MON1B: variants seen among roughly 807,000 people sequenced by gnomAD.
The protein encoded by MON1B is MON1 vesicular trafficking associated B.
Under a neutral mutation model 45.1 loss-of-function variants are expected in MON1B, and 26 were observed. The observed-to-expected ratio is 0.58, with a 90% CI of 0.42 to 0.80. MON1B has a LOEUF of 0.80. MON1B is among the 30% of genes least tolerant of loss of function. MON1B has a pLI of 0.00. For synonymous variants in MON1B, 395 were observed against 320.2 expected, an observed-to-expected ratio of 1.23 and a Z score of -2.49; for missense variants, 737 against 754.5, an observed-to-expected ratio of 0.98 and a Z score of 0.27.
rs372996838 is a variant in MON1B, at chr16:77,194,810, G to T, written c.951G>T (p.Ala317=). The T allele has an allele frequency of 2.5e-6, 4 of 1,611,916 alleles. No individual in the cohort carries two copies. Among genetic ancestry groups the T allele is most frequent in the Admixed American group, 3.3e-5 (2 of 60,030 alleles). ...ACTGGGTGGGTGCACCAGCCTTTGC[G>T]GCGGGTGAGGCTTGGGCACCTGTGT... ...LLDWVGAPAF[A]AGEAWAPVCL... Residue 317 remains alanine (A), a synonymous_variant, in exon 4 of 6, where the codon GCG becomes GCT. Coordinates refer to ENST00000248248, the MANE Select transcript of MON1B (RefSeq NM_014940.4). The surrounding 1 kb of genome is among the most constrained non-coding windows in gnomAD (Gnocchi z 8.1).
intron 5 of MON1B, among the ~76,000 whole-genome samples, chr16:77,197,503 G>T (rs774248114): frequency 6.6e-6 from 1 of 152,182 alleles, no homozygotes; most frequent in African/African-American, 2.4e-5. Context: ...GAGTAGGGAG[G>T]TATTGAGCTA....
chr16:77,191,771 A>T, intron 2 of MON1B, 138 bp downstream of exon 2: 1 of 960,954 alleles, frequency 1.0e-6, no homozygotes, highest in Non-Finnish European at 1.5e-6. Context: ...GGTCAGGAGG[A>T]GGTCACTGTG....
Position 77,201,447 on chromosome 16 carries a change from G to A in MON1B, c.*3139G>A, listed in dbSNP as rs909801779. 6 of 152,174 alleles carry A rather than the reference G, an allele frequency of 3.9e-5. No homozygotes were observed. Among genetic ancestry groups the A allele is most frequent in the African/African-American group, 1.4e-4 (6 of 41,442 alleles). The allele number at this position is 152,174 out of a possible 1,614,324, so 9.4% of individuals were successfully genotyped here. A position where few individuals can be genotyped will look rare whatever the true frequency, so the allele number is the denominator to read the frequency against. On this transcript the variant is annotated 3_prime_UTR_variant, in exon 6 of 6. Coordinates refer to ENST00000248248, the MANE Select transcript of MON1B (RefSeq NM_014940.4). ...TAGCCCATCAAATCGGCTTTATAAAGGGAAGCATAGTATCTGGTATTGACG... is the reference window on the plus strand; with the variant it reads ...TAGCCCATCAAATCGGCTTTATAAAAGGAAGCATAGTATCTGGTATTGACG...
chr16:77,196,905 G>A (rs2054670754), intron 5 of MON1B, among the ~76,000 whole-genome samples: 1 of 152,064 alleles, frequency 6.6e-6, no homozygotes, highest in Non-Finnish European at 1.5e-5. Context: ...TTGGTGTTCA[G>A]ATTGCCTCTG....
chr16:77,196,456 A>G (rs915185022), intron 5 of MON1B, among the ~76,000 whole-genome samples: 5 of 152,142 alleles, frequency 3.3e-5, no homozygotes, highest in African/African-American at 9.7e-5. Context: ...TTCTTTCTAC[A>G]TTTATTGGCT....
chr16:77,195,284 T>C, intron 4 of MON1B, 130 bp downstream of exon 4: 1 of 1,060,670 alleles, frequency 9.4e-7, no homozygotes, highest in East Asian at 2.6e-5. Flanking sequence ...AACAAGTCTC[T>C]GTCTGATGAT....
rs748765438 is a variant in MON1B, at chr16:77,199,148, C to G, written c.*840C>G. 2.7e-6 allele frequency: 1 copy of G among 366,138 alleles called. No homozygotes were observed. Among genetic ancestry groups the G allele is most frequent in the Non-Finnish European group, 4.9e-6 (1 of 203,362 alleles). The allele number at this position is 366,138 out of a possible 1,614,324, so 22.7% of individuals were successfully genotyped here. ...CCAGACTTTGACAACCTGCACAAGACAAGCAGCCTAAAGCAGGAGAGACCT... is the reference window on the plus strand; with the variant it reads ...CCAGACTTTGACAACCTGCACAAGAGAAGCAGCCTAAAGCAGGAGAGACCT... On this transcript the variant is annotated 3_prime_UTR_variant, in exon 6 of 6. Coordinates refer to ENST00000248248, the MANE Select transcript of MON1B (RefSeq NM_014940.4).
Position 77,199,821 on chromosome 16 carries a change from T to A in MON1B, c.*1513T>A, listed in dbSNP as rs1041776977. ...GGCGGTGGGGATGTTCTCATAACAA[T>A]CACCGTGCTGCAGCCACCCCTTATT... On this transcript the variant is annotated 3_prime_UTR_variant, in exon 6 of 6. Coordinates refer to ENST00000248248, the MANE Select transcript of MON1B (RefSeq NM_014940.4). The A allele has an allele frequency of 7.7e-6, 2 of 259,438 alleles. No individual in the cohort carries two copies. Among genetic ancestry groups the A allele is most frequent in the African/African-American group, 4.5e-5 (2 of 44,540 alleles). The allele number at this position is 259,438 out of a possible 1,614,324, so 16.1% of individuals were successfully genotyped here. A position where few individuals can be genotyped will look rare whatever the true frequency, so the allele number is the denominator to read the frequency against.
rs1229854135 is a variant in MON1B, at chr16:77,200,274, G to GTATATATATATA, written c.*1973_*1984dup. 1.8e-5 allele frequency: 2 copies of GTATATATATATA among 113,582 alleles called. No individual in the cohort carries two copies. The highest frequency in any genetic ancestry group is 3.5e-5 in the African/African-American group (1 of 28,582). The allele number at this position is 113,582 out of a possible 1,614,324, so 7.0% of individuals were successfully genotyped here. ...TATATGTGTATATATATATATATGTGTATATATATATATATATACACACAC... is the reference window on the plus strand; with the variant it reads ...TATATGTGTATATATATATATATGTGTATATATATATATATATATATATATATATACACACAC... On this transcript the variant is annotated 3_prime_UTR_variant, in exon 6 of 6. Transcript: ENST00000248248.
rs939729932 is a variant in MON1B, at chr16:77,199,578, C to T, written c.*1270C>T. ...AGGGCAGAAAGGAGGGAGGATTCGT[C>T]CCATTACAATAATGAAATAATGATA... On this transcript the variant is annotated 3_prime_UTR_variant, in exon 6 of 6. Coordinates refer to ENST00000248248, the MANE Select transcript of MON1B (RefSeq NM_014940.4). The T allele has an allele frequency of 5.7e-6, 7 of 1,227,430 alleles. No individual in the cohort carries two copies. The highest frequency in any genetic ancestry group is 3.1e-5 in the African/African-American group (2 of 65,430). 76.0% of individuals were successfully genotyped at this position (1,227,430 alleles called of 1,614,324 possible).
Position 77,194,310 on chromosome 16 carries a change from C to T in MON1B, c.476-25C>T. ...GTCATTCCTGATCCAGCTGTACCCC[C>T]CCTTCTTACCCCTTCCTTCCCTAGA... On this transcript the variant is annotated intron_variant, in intron 3 of 5. Coordinates refer to ENST00000248248, the MANE Select transcript of MON1B (RefSeq NM_014940.4). The surrounding 1 kb of genome is among the most constrained non-coding windows in gnomAD (Gnocchi z 8.1). 1 of 1,585,340 alleles carries T rather than the reference C, an allele frequency of 6.3e-7. No homozygotes were observed. The highest frequency in any genetic ancestry group is 8.6e-7 in the Non-Finnish European group (1 of 1,166,536).
intron 5 of MON1B, 122 bp from the exon 6 acceptor site, chr16:77,197,986 G>A (rs2054683411): frequency 1.1e-6 from 1 of 938,476 alleles, no homozygotes; most frequent in Non-Finnish European, 1.7e-6. Context: ...GCACCTGGTA[G>A]GAGGTGCTGC....
At chr16:77,192,234 G>A (rs1383882079) in intron 2 of MON1B, among the ~76,000 whole-genome samples, 5 of 152,216 alleles carry the variant, frequency 3.3e-5, no homozygotes, top group Non-Finnish European at 7.3e-5. Context: ...CATTGGGAAG[G>A]ATCAGTGGAC....
chr16:77,191,320 A>AT, intron 1 of MON1B, 62 bp downstream of exon 1: 3 of 1,535,838 alleles, frequency 2.0e-6, no homozygotes, highest in Non-Finnish European at 2.7e-6. Flanking sequence ...AAAGTGTTGG[A>AT]GGGGGGACGT....
chr16:77,195,847 G>T (rs1021133600), intron 5 of MON1B, among the ~76,000 whole-genome samples, 165 bp downstream of exon 5: 1 of 152,140 alleles, frequency 6.6e-6, no homozygotes, highest in Non-Finnish European at 1.5e-5. Context: ...CATCTTTGAA[G>T]CCCCTGACAA....
Position 77,194,785 on chromosome 16 carries a change from A to C in MON1B, c.926A>C (p.Asp309Ala). ...LDPADLQLLL[D>A]WVGAPAFAAG... ...CCAGCTGACCTGCAGTTGCTGCTCG[A>C]CTGGGTGGGTGCACCAGCCTTTGCG... The change falls in exon 4 of 6, where the codon GAC becomes GCC. Residue 309 changes from aspartate to alanine, a missense_variant. By Grantham distance (126) the Asp-to-Ala change is moderately radical. Transcript: ENST00000248248. The surrounding 1 kb of genome is among the most constrained non-coding windows in gnomAD (Gnocchi z 8.1). 1.2e-6 allele frequency: 2 copies of C among 1,613,834 alleles called. No individual in the cohort carries two copies. Among genetic ancestry groups the C allele is most frequent in the East Asian group, 4.5e-5 (2 of 44,872 alleles).
At chr16:77,196,624 A>C (rs1484718074) in intron 5 of MON1B, among the ~76,000 whole-genome samples, 1 of 152,120 alleles carries the variant, frequency 6.6e-6, no homozygotes, top group Non-Finnish European at 1.5e-5. Flanking sequence ...AAAAATACAA[A>C]AATTAGCTGG....
chr16:77,191,343 T>C lies in MON1B; in HGVS notation c.-11+85T>C, dbSNP rs2054612735. On this transcript the variant is annotated intron_variant, in intron 1 of 5. Transcript: ENST00000248248. The stretch of plus-strand genomic sequence containing the variant: ...GGAGGGGGGACGTATTTGGGCATGA[T>C]TTTGGATGTCTCGTCCTATTGAAAT... The C allele has an allele frequency of 2.6e-6, 4 of 1,556,618 alleles. No homozygotes were observed. In the South Asian group the frequency reaches 3.5e-5, roughly 14 times the overall value.
At chr16:77,191,783 A>C in intron 2 of MON1B, 150 bp downstream of exon 2, 1 of 846,486 alleles carries the variant, frequency 1.2e-6, no homozygotes, top group South Asian at 1.7e-5. Context: ...GTCACTGTGG[A>C]CACATGGTGT....
Sources: gnomAD v4.1 joint callset for allele counts (sites outside exome capture counted in the v4.1 genomes callset) on GRCh38, gnomAD v4.1.1 for gene constraint, Gnocchi (gnomAD v3.1) non-coding constraint, MANE v1.5 for transcripts, NCBI Gene and HGNC (gene_info 2026-07-23, HGNC 2026-07-21) for gene names.